The following TRPM1 variants were observed in gnomAD, a reference collection of about 807,000 sequenced individuals.
TRPM1 encodes the protein TRPM1-203 APA Isoform, Intron 10.
Under a neutral mutation model 149.4 loss-of-function variants are expected in TRPM1, and 113 were observed. The observed-to-expected ratio is 0.76, with a 90% confidence interval of 0.65 to 0.88. The LOEUF (loss-of-function observed/expected upper bound fraction) is 0.88, where lower values mean the gene tolerates loss of function less well. Among genes scored for constraint, TRPM1 ranks in the 40% least tolerant of loss-of-function variants. TRPM1 has a pLI of 0.00. For synonymous variants in TRPM1, 741 were observed against 759.5 expected (o/e 0.98, Z 0.40); for missense variants, 1,976 against 2,038.7 (o/e 0.97, Z 0.59).
At chr15:31,087,823 G>A (rs2035044618) in intron 1 of TRPM1, among the ~76,000 whole-genome samples, 1 of 152,144 alleles carries the variant, frequency 6.6e-6, no homozygotes, top group Non-Finnish European at 1.5e-5. Flanking sequence ...GATAGAGACA[G>A]GAAATGGAAT....
At chr15:31,075,358 G>A (rs1031812513) in intron 3 of TRPM1, among the ~76,000 whole-genome samples, 2 of 152,206 alleles carry the variant, frequency 1.3e-5, no homozygotes, top group Admixed American at 1.3e-4. Flanking sequence ...GCTGTTTTAG[G>A]TACATATATG....
upstream of TRPM1, among the ~76,000 whole-genome samples, chr15:31,102,592 G>A (rs1413136183): frequency 6.6e-6 from 1 of 152,196 alleles, no homozygotes; most frequent in East Asian, 1.9e-4. Context: ...TGGAGTGGGA[G>A]TGCCCAGGTT....
chr15:31,029,397 T>C lies in TRPM1; in HGVS notation c.3128-6A>G. 1 of 1,613,812 alleles carries C rather than the reference T, an allele frequency of 6.2e-7. No individual in the cohort carries two copies. Among genetic ancestry groups the C allele is most frequent in the Non-Finnish European group, 8.5e-7 (1 of 1,179,804 alleles). Reference sequence around the variant, plus strand: ...ATTAATTTCCATGGCGTAGACTACATGACGATTGGAAAGCAGGATTTTTGT... The same window carrying C: ...ATTAATTTCCATGGCGTAGACTACACGACGATTGGAAAGCAGGATTTTTGT... On this transcript the variant is annotated splice_polypyrimidine_tract_variant and splice_region_variant and intron_variant, in intron 23 of 27. Coordinates refer to ENST00000256552, the MANE Select transcript of TRPM1 (RefSeq NM_001252024.2).
chr15:31,096,576 G>T (rs1567052782), intron 1 of TRPM1, among the ~76,000 whole-genome samples: 1 of 152,204 alleles, frequency 6.6e-6, no homozygotes, highest in Non-Finnish European at 1.5e-5. Flanking sequence ...GGAAGGTGTT[G>T]TGTTAAGGAG....
chr15:31,060,439 A>G, intron 11 of TRPM1, 105 bp downstream of exon 11: 1 of 932,828 alleles, frequency 1.1e-6, no homozygotes, highest in Non-Finnish European at 1.7e-6. Flanking sequence ...ATCATCAGAA[A>G]CCCCACATAA....
intron 16 of TRPM1, 79 bp from the exon 17 acceptor site, chr15:31,042,322 A>T: frequency 4.9e-6 from 7 of 1,440,910 alleles, no homozygotes; most frequent in Non-Finnish European, 5.7e-6. Context: ...GGAGAAAGGG[A>T]ACCCTTTCTG....
At chr15:31,082,440 C>T (rs1006919829) in intron 1 of TRPM1, among the ~76,000 whole-genome samples, 1 of 152,200 alleles carries the variant, frequency 6.6e-6, no homozygotes, top group African/African-American at 2.4e-5. Context: ...GTGATTTTCT[C>T]ATCTCTGAAA....
At chr15:31,118,299 G>A (rs1041018176) in intron 1 of TRPM1, among the ~76,000 whole-genome samples, 5 of 151,996 alleles carry the variant, frequency 3.3e-5, no homozygotes, top group East Asian at 1.9e-4. Context: ...AAGCTGTATC[G>A]TACATGTAAT....
At chr15:31,054,936 C>T (rs2034044315) in intron 11 of TRPM1, among the ~76,000 whole-genome samples, 1 of 152,196 alleles carries the variant, frequency 6.6e-6, no homozygotes, top group African/African-American at 2.4e-5. Flanking sequence ...CTCCCAATCC[C>T]TCACATCCTA....
intron 27 of TRPM1, among the ~76,000 whole-genome samples, chr15:31,016,970 CA>C (rs2032376646): frequency 7.6e-6 from 1 of 132,448 alleles, no homozygotes; most frequent in African/African-American, 2.8e-5. Flanking sequence ...CGTACACACA[CA>C]CACACACACA....
exon 1 of TRPM1, chr15:31,160,964 C>G: frequency 6.5e-7 from 1 of 1,535,506 alleles, no homozygotes; most frequent in South Asian, 1.2e-5. Context: ...GCTCATCTCT[C>G]TCAGTGAGCC....
At chr15:31,004,497 CTG>C (rs2031909519) in intron 27 of TRPM1, among the ~76,000 whole-genome samples, 1 of 151,778 alleles carries the variant, frequency 6.6e-6, no homozygotes, top group Non-Finnish European at 1.5e-5. Flanking sequence ...TCTGATGTGT[CTG>C]TGTTTGTATG....
intron 1 of TRPM1, among the ~76,000 whole-genome samples, chr15:31,087,643 G>C (rs558119611): frequency 6.6e-6 from 1 of 152,276 alleles, no homozygotes; most frequent in East Asian, 1.9e-4. Context: ...CGACAGATGA[G>C]TGGATAAACA....
Position 31,031,328 on chromosome 15 carries a change from TG to T in TRPM1, c.2953-172del, listed in dbSNP as rs200227734. The stretch of plus-strand genomic sequence containing the variant: ...CCTGGGAAGGCTTTTTCCTACTCCA[TG>T]CAATGCTTTATGCCTAGAATGTCTT... On this transcript the variant is annotated intron_variant, in intron 22 of 27. Coordinates refer to ENST00000256552, the MANE Select transcript of TRPM1 (RefSeq NM_001252024.2). 8.3e-3 allele frequency: 5,624 copies of T among 677,282 alleles called. 28 individuals are homozygous for T. The highest frequency in any genetic ancestry group is 0.011 in the Non-Finnish European group (4,098 of 384,370). The allele number at this position is 677,282 out of a possible 1,614,324, so 42.0% of individuals were successfully genotyped here.
At position 31,023,407 on chromosome 15, in the gene TRPM1, G is replaced by T. The variant is rs113149297; in HGVS notation, c.3629+2732C>A. ...CCTTGCAGGCCTGAGGACAGTGGGG[G>T]CCACAGAGGGTTTTTCAGGAAAGCC... is the stretch of plus-strand genomic sequence containing the variant. On this transcript the variant is annotated intron_variant, in intron 27 of 27. Coordinates refer to ENST00000256552, the MANE Select transcript of TRPM1 (RefSeq NM_001252024.2). Among the ~76,000 whole-genome samples the T allele has an allele frequency of 2.6e-3, 390 of 152,362 alleles. 1 individual carries two copies. The highest frequency in any genetic ancestry group is 8.9e-3 in the African/African-American group (371 of 41,584).
chr15:31,054,934 C>T (rs2034044132), intron 11 of TRPM1, among the ~76,000 whole-genome samples: 1 of 152,198 alleles, frequency 6.6e-6, no homozygotes, highest in Non-Finnish European at 1.5e-5. Context: ...ATCTCCCAAT[C>T]CCTCACATCC....
At chr15:31,053,149 A>G (rs533543651) in intron 11 of TRPM1, among the ~76,000 whole-genome samples, 1 of 152,368 alleles carries the variant, frequency 6.6e-6, no homozygotes, top group South Asian at 2.1e-4. Flanking sequence ...CAAATGGCCA[A>G]TAAACACACA....
chr15:31,036,257 A>G (rs1026071158), intron 20 of TRPM1, among the ~76,000 whole-genome samples: 8 of 151,986 alleles, frequency 5.3e-5, no homozygotes, highest in African/African-American at 1.9e-4. Context: ...GGGTGAGGCA[A>G]AAGCGGGGAG....
chr15:31,060,773 T>A (rs867010619), intron 10 of TRPM1, 129 bp from the exon 11 acceptor site: 2 of 781,422 alleles, frequency 2.6e-6, no homozygotes, highest in Non-Finnish European at 2.2e-6. Flanking sequence ...CTGGCTTTGC[T>A]CTTGCCCTGA....
Sources: gnomAD v4.1 joint callset for allele counts (sites outside exome capture counted in the v4.1 genomes callset) on GRCh38, gnomAD v4.1.1 for gene constraint, MANE v1.5 for transcripts, NCBI Gene and HGNC (gene_info 2026-07-23, HGNC 2026-07-21) for gene names.